The following LPP variants were observed in gnomAD, a reference collection of about 807,000 sequenced individuals.
LPP encodes the protein LIM domain containing preferred translocation partner in lipoma, also known as lipoma-preferred partner.
Under a neutral mutation model 60.4 loss-of-function variants are expected in LPP, and 38 were observed. That is an observed-to-expected ratio of 0.63 (90% CI 0.49 to 0.83). The LOEUF (loss-of-function observed/expected upper bound fraction) is 0.83. Among genes scored for constraint, LPP ranks in the 40% least tolerant of loss-of-function variants. The pLI, the probability that LPP is intolerant of heterozygous loss-of-function variation, is 0.00. For missense variants in LPP, 902 were observed against 783.6 expected, an observed-to-expected ratio of 1.15 and a Z score of -1.80; for synonymous variants, 328 against 290.8, an observed-to-expected ratio of 1.13 and a Z score of -1.30.
chr3:188,320,917 A>G lies in LPP; in HGVS notation c.-66-20746A>G, dbSNP rs193187151. Among the ~76,000 whole-genome samples, 107 of 152,326 alleles carry G rather than the reference A, an allele frequency of 7.0e-4. 1 individual carries two copies. The highest frequency in any genetic ancestry group is 2.4e-3 in the African/African-American group (101 of 41,572). Reference sequence around the variant, plus strand: ...AAATCTCAAGTCCTGTGTGTGATGAATCAGTAGAAAAGGTATCCCAGTGGC... The same window carrying G: ...AAATCTCAAGTCCTGTGTGTGATGAGTCAGTAGAAAAGGTATCCCAGTGGC... On this transcript the variant is annotated intron_variant, in intron 2 of 11. Transcript: ENST00000617246.
At chr3:188,766,360 A>T (rs1734116024) in intron 9 of LPP, among the ~76,000 whole-genome samples, 1 of 137,120 alleles carries the variant, frequency 7.3e-6, no homozygotes, top group Non-Finnish European at 1.6e-5. Flanking sequence ...TTTCTTGAGC[A>T]TTTGAGGCCT....
At position 188,658,412 on chromosome 3, in the gene LPP, A is replaced by G. The variant is rs1339550850; in HGVS notation, c.1113+48568A>G. Among the ~76,000 whole-genome samples the G allele has an allele frequency of 1.6e-3, 12 of 7,566 alleles. No homozygotes were observed. In the Admixed American group the frequency reaches 0.025, roughly 16 times the overall value. The allele number at this position is 7,566 out of a possible 152,430, so 5.0% of individuals were successfully genotyped here. On this transcript the variant is annotated intron_variant, in intron 7 of 11. Coordinates refer to ENST00000617246, the MANE Select transcript of LPP (RefSeq NM_001375462.1). ...CTGCCTGCCTTGGCCTCCTAACTGA[A>G]GTTATTTTTTAAATTAAACTAATAC...
intron 9 of LPP, among the ~76,000 whole-genome samples, chr3:188,781,415 G>A (rs1044583144): frequency 2.0e-5 from 3 of 152,118 alleles, no homozygotes; most frequent in Admixed American, 2.0e-4. Context: ...TTCACACTGT[G>A]AGGAAGAAAT....
chr3:188,305,544 G>A (rs1751245623), intron 2 of LPP, among the ~76,000 whole-genome samples: 1 of 152,028 alleles, frequency 6.6e-6, no homozygotes, highest in Admixed American at 6.6e-5. Flanking sequence ...CTGGGTCTTG[G>A]TCTTCTATTT....
intron 1 of LPP, among the ~76,000 whole-genome samples, chr3:188,160,304 C>T (rs186123687): frequency 1.6e-4 from 24 of 152,268 alleles, no homozygotes; most frequent in Admixed American, 1.5e-3. Context: ...CAGCGATTCT[C>T]CTACCTCAGC....
At chr3:188,154,134 A>G, upstream of LPP, 1 of 187,246 alleles carries the variant, frequency 5.3e-6, no homozygotes, top group Non-Finnish European at 1.1e-5. Context: ...GGCTGGGGAC[A>G]ATGGGAGGGG....
At chr3:188,530,859 C>T (rs1174984679) in intron 6 of LPP, among the ~76,000 whole-genome samples, 6 of 152,164 alleles carry the variant, frequency 3.9e-5, no homozygotes, top group African/African-American at 1.4e-4. Flanking sequence ...ATTAGGTAGG[C>T]ATGATTTGTT....
intron 9 of LPP, among the ~76,000 whole-genome samples, chr3:188,854,505 C>G (rs986423964): frequency 4.6e-5 from 7 of 152,188 alleles, no homozygotes; most frequent in African/African-American, 1.7e-4. Flanking sequence ...CTTCCTAAGT[C>G]ATGTGCTGTC....
intron 1 of LPP, among the ~76,000 whole-genome samples, chr3:188,198,156 T>A (rs1730066913): frequency 6.6e-6 from 1 of 152,180 alleles, no homozygotes; most frequent in Admixed American, 6.5e-5. Flanking sequence ...AAGAAACCTA[T>A]GAGGATGGTG....
At chr3:188,773,803 G>T (rs112350477) in intron 9 of LPP, among the ~76,000 whole-genome samples, 1 of 152,046 alleles carries the variant, frequency 6.6e-6, no homozygotes, top group Non-Finnish European at 1.5e-5. Flanking sequence ...AATGGAACGC[G>T]CTAAATGTGT....
At chr3:188,394,787 T>C (rs768486382) in intron 3 of LPP, among the ~76,000 whole-genome samples, 8 of 152,192 alleles carry the variant, frequency 5.3e-5, no homozygotes, top group Non-Finnish European at 1.2e-4. Flanking sequence ...ATTTTTACTG[T>C]GTTGCCATTG....
intron 7 of LPP, among the ~76,000 whole-genome samples, chr3:188,699,488 A>G (rs1863944361): frequency 1.3e-5 from 2 of 152,240 alleles, no homozygotes; most frequent in African/African-American, 4.8e-5. Flanking sequence ...GAGAAAGGGA[A>G]TATGAGGAAG....
chr3:188,846,588 G>T (rs1002908479), intron 9 of LPP, among the ~76,000 whole-genome samples: 3 of 151,270 alleles, frequency 2.0e-5, no homozygotes, highest in African/African-American at 7.3e-5. Flanking sequence ...GGAGGCTGAG[G>T]CAGGAGAATT....
At chr3:188,732,732 AAAAAG>A (rs1721098344) in intron 8 of LPP, among the ~76,000 whole-genome samples, 3 of 151,864 alleles carry the variant, frequency 2.0e-5, no homozygotes, top group African/African-American at 7.2e-5. Context: ...AAAAAAAAAA[AAAAAG>A]AATATCCTAA....
chr3:188,859,118 T>A (rs1355613292), intron 9 of LPP, among the ~76,000 whole-genome samples: 4 of 146,152 alleles, frequency 2.7e-5, no homozygotes, highest in Admixed American at 6.8e-5. Context: ...AAAAAAAGGA[T>A]GTTCATGTCT....
intron 2 of LPP, among the ~76,000 whole-genome samples, chr3:188,281,601 CA>C (rs1167297915): frequency 0.037 from 2,431 of 66,396 alleles, 21 homozygotes; most frequent in Middle Eastern, 0.062. Context: ...AAGACTCTAC[CA>C]AAAAAAAAAA....
chr3:188,608,681 A>G (rs1272251073), intron 6 of LPP, among the ~76,000 whole-genome samples: 1 of 152,068 alleles, frequency 6.6e-6, no homozygotes, highest in Non-Finnish European at 1.5e-5. Flanking sequence ...TGAGTTTTAG[A>G]ATTGTTTTTT....
chr3:188,226,150 A>G (rs1311891949), intron 2 of LPP, among the ~76,000 whole-genome samples: 1 of 152,138 alleles, frequency 6.6e-6, no homozygotes, highest in Non-Finnish European at 1.5e-5. Context: ...CTGGGACTAC[A>G]GGCACATACC....
intron 3 of LPP, among the ~76,000 whole-genome samples, chr3:188,382,561 A>G (rs543140816): frequency 3.8e-4 from 58 of 152,256 alleles, no homozygotes; most frequent in African/African-American, 1.3e-3. Flanking sequence ...TACATGTGTA[A>G]TTATGATGTT....
Sources: gnomAD v4.1 joint callset for allele counts (sites outside exome capture counted in the v4.1 genomes callset) on GRCh38, gnomAD v4.1.1 for gene constraint, MANE v1.5 for transcripts, NCBI Gene and HGNC (gene_info 2026-07-23, HGNC 2026-07-21) for gene names.